Variants in DCAF6 observed in about 807,000 individuals in gnomAD.
The protein encoded by DCAF6 is DDB1 and CUL4 associated factor 6, also known as DDB1- and CUL4-associated factor 6.
Under a neutral mutation model 125.1 loss-of-function variants are expected in DCAF6, and 54 were observed. The observed-to-expected ratio is 0.43, with a 90% CI of 0.35 to 0.54. The LOEUF is 0.54. DCAF6 is among the 20% of genes least tolerant of loss of function. The pLI is 0.01. For synonymous variants in DCAF6, 371 were observed against 390.4 expected, an observed-to-expected ratio of 0.95 and a Z score of 0.58; for missense variants, 934 against 1,161.7, an observed-to-expected ratio of 0.80 and a Z score of 2.85.
intron 4 of DCAF6, among the ~76,000 whole-genome samples, chr1:167,976,592 A>ACCCCC (rs2102904659): frequency 1.3e-5 from 2 of 152,264 alleles, no homozygotes; most frequent in East Asian, 3.9e-4. Context: ...TCTGGAGGTT[A>ACCCCC]CCCCAGCTAC....
the DCAF6 span, among the ~76,000 whole-genome samples, chr1:167,889,511 T>C: frequency 2.6e-5 from 4 of 151,682 alleles, no homozygotes; most frequent in African/African-American, 7.3e-5. Flanking sequence ...TCAATATTCA[T>C]CAGAGATACT....
chr1:168,050,757 G>A lies in DCAF6; in HGVS notation c.2259-135G>A, dbSNP rs148418100. ...CTGACATATTCCTTGCTTAATGCCC[G>A]AAGTCACAAAGGGAAACAAAAGTTT... On this transcript the variant is annotated intron_variant, in intron 16 of 21. Transcript: ENST00000367840. The A allele has an allele frequency of 2.3e-3, 970 of 427,900 alleles. 14 individuals carry two copies. In the East Asian group the frequency reaches 0.03, roughly 13 times the overall value. The allele number at this position is 427,900 out of a possible 1,614,324, so 26.5% of individuals were successfully genotyped here.
intron 21 of DCAF6, among the ~76,000 whole-genome samples, chr1:168,070,774 G>T (rs1194942396): frequency 6.6e-6 from 1 of 152,204 alleles, no homozygotes; most frequent in Non-Finnish European, 1.5e-5. Context: ...TGGAAAGATG[G>T]TAATGGTTTG....
chr1:167,904,850 T>C, the DCAF6 span: 1 of 1,070,706 alleles, frequency 9.3e-7, no homozygotes, highest in East Asian at 2.5e-5. Flanking sequence ...TTCCTCCCTC[T>C]TGTGTTCTCA....
At chr1:167,896,343 C>T in the DCAF6 span, among the ~76,000 whole-genome samples, 10 of 152,166 alleles carry the variant, frequency 6.6e-5, no homozygotes, top group Non-Finnish European at 1.3e-4. Context: ...TTCTTTTATC[C>T]TAGGGGATAC....
At chr1:168,063,809 G>T in intron 18 of DCAF6, 50 bp downstream of exon 18, 1 of 1,558,816 alleles carries the variant, frequency 6.4e-7, no homozygotes, top group Non-Finnish European at 8.6e-7. Flanking sequence ...TTCATGCTCT[G>T]AGTGTTTTTC....
chr1:168,066,338 T>C (rs1244547378), intron 19 of DCAF6, 39 bp from the exon 20 acceptor site: 1 of 1,382,926 alleles, frequency 7.2e-7, no homozygotes, highest in Non-Finnish European at 1.0e-6. Context: ...GAATTGCATG[T>C]TTCTAGGCTT....
chr1:167,999,138 C>T (rs1682215827), intron 7 of DCAF6, among the ~76,000 whole-genome samples: 1 of 152,154 alleles, frequency 6.6e-6, no homozygotes, highest in Non-Finnish European at 1.5e-5. Flanking sequence ...ACATCTCCAT[C>T]AGAGCCCTTG....
chr1:167,957,314 A>G (rs908641483), intron 2 of DCAF6, among the ~76,000 whole-genome samples: 17 of 152,084 alleles, frequency 1.1e-4, no homozygotes, highest in Non-Finnish European at 2.4e-4. Flanking sequence ...GTCTCTACCA[A>G]TGTGCGTATT....
chr1:167,869,075 GTAGT>G, the DCAF6 span, among the ~76,000 whole-genome samples: 13 of 152,290 alleles, frequency 8.5e-5, no homozygotes, highest in Admixed American at 6.5e-4. Flanking sequence ...AGTTAAAGAC[GTAGT>G]TAAAGACATA....
At chr1:168,036,047 A>G (rs573537285) in intron 12 of DCAF6, among the ~76,000 whole-genome samples, 69 of 152,260 alleles carry the variant, frequency 4.5e-4, no homozygotes, top group African/African-American at 1.6e-3. Context: ...GGGGAACAAA[A>G]AGAGCCTCCA....
intron 12 of DCAF6, among the ~76,000 whole-genome samples, chr1:168,033,010 A>ATT (rs201615768): frequency 6.8e-5 from 10 of 147,288 alleles, no homozygotes; most frequent in African/African-American, 2.2e-4. Flanking sequence ...AATACTCAGC[A>ATT]TTTTTTTTTT....
chr1:168,062,612 T>G (rs1691738674), intron 17 of DCAF6, among the ~76,000 whole-genome samples: 1 of 151,978 alleles, frequency 6.6e-6, no homozygotes, highest in African/African-American at 2.4e-5. Context: ...GAGATCTGTT[T>G]TTCTTACTGA....
chr1:168,040,027 T>C (rs1688325344), intron 13 of DCAF6, among the ~76,000 whole-genome samples: 1 of 151,966 alleles, frequency 6.6e-6, no homozygotes, highest in African/African-American at 2.4e-5. Flanking sequence ...TAAACATAAT[T>C]AATAAGTGTA....
At chr1:168,060,216 T>G (rs905304710) in intron 17 of DCAF6, among the ~76,000 whole-genome samples, 2 of 152,202 alleles carry the variant, frequency 1.3e-5, no homozygotes. Context: ...AGAGTTGTTT[T>G]GTTACCCAGG....
chr1:167,935,706 G>C, upstream of DCAF6: 1 of 1,534,376 alleles, frequency 6.5e-7, no homozygotes, highest in Non-Finnish European at 8.8e-7. Context: ...GGAAGGTCTC[G>C]ATAAGGAGCC....
At chr1:168,063,968 A>T in intron 18 of DCAF6, 1 of 412,086 alleles carries the variant, frequency 2.4e-6, no homozygotes, top group Non-Finnish European at 4.1e-6. Context: ...TACTAAAAAA[A>T]TGCAGATTAA....
At chr1:168,061,257 T>C (rs1042458257) in intron 17 of DCAF6, among the ~76,000 whole-genome samples, 4 of 152,196 alleles carry the variant, frequency 2.6e-5, no homozygotes, top group African/African-American at 9.6e-5. Context: ...TTTTCTTTGA[T>C]AGCATAGAAA....
At chr1:167,986,566 G>T (rs1680036022) in intron 4 of DCAF6, among the ~76,000 whole-genome samples, 1 of 152,216 alleles carries the variant, frequency 6.6e-6, no homozygotes, top group Admixed American at 6.5e-5. Flanking sequence ...GAGTGGGGAT[G>T]GTTTTGGGTT....
Sources: gnomAD v4.1 joint callset for allele counts (sites outside exome capture counted in the v4.1 genomes callset) on GRCh38, gnomAD v4.1.1 for gene constraint, MANE v1.5 for transcripts, NCBI Gene and HGNC (gene_info 2026-07-23, HGNC 2026-07-21) for gene names.